Variants in LUZP2 observed in about 807,000 individuals in gnomAD.
LUZP2 encodes leucine zipper protein 2.
A neutral mutation model predicts 51.6 loss-of-function variants in LUZP2; 52 were observed. The ratio of observed to expected loss-of-function variants is 1.01; its 90% confidence interval spans 0.81 to 1.27. LUZP2 has a LOEUF of 1.27. Among genes scored for constraint, LUZP2 ranks in the 50% most tolerant of loss-of-function variants. The probability of loss-of-function intolerance (pLI) is 0.00; values close to 1 mark genes in which losing one functional copy is unlikely to be tolerated. For synonymous variants in LUZP2, 154 were observed against 137.3 expected (o/e 1.12, Z -0.85); for missense variants, 436 against 395.4 (o/e 1.10, Z -0.87).
chr11:24,708,341 C>T (rs1262124851), intron 1 of LUZP2, among the ~76,000 whole-genome samples: 1 of 152,110 alleles, frequency 6.6e-6, no homozygotes, highest in East Asian at 1.9e-4. Flanking sequence ...TTAGCCCAGT[C>T]AAATCAACAC....
At chr11:24,559,616 A>G (rs1851971859) in intron 1 of LUZP2, among the ~76,000 whole-genome samples, 1 of 152,212 alleles carries the variant, frequency 6.6e-6, no homozygotes, top group Non-Finnish European at 1.5e-5. Context: ...TGCTGTGATA[A>G]CCTAAAGTAC....
chr11:24,867,228 C>T lies in LUZP2; in HGVS notation c.397-38763C>T, dbSNP rs1268103016. The stretch of plus-strand genomic sequence containing the variant: ...CTTGCATTCTCATCTTACGGTAAGA[C>T]AAGACTCCAGAGTAGGATTTTAGGT... On this transcript the variant is annotated intron_variant, in intron 5 of 11. Transcript: ENST00000336930. Among the ~76,000 whole-genome samples, 9 of 152,170 alleles carry T rather than the reference C, an allele frequency of 5.9e-5. No individual in the cohort carries two copies. In the East Asian group the frequency reaches 1.7e-3, roughly 29 times the overall value.
intron 4 of LUZP2, among the ~76,000 whole-genome samples, chr11:24,758,464 G>T (rs1013227092): frequency 6.6e-6 from 1 of 151,868 alleles, no homozygotes; most frequent in Non-Finnish European, 1.5e-5. Context: ...TTTTGGTAAA[G>T]ATTCAAATAA....
Position 24,612,450 on chromosome 11 carries a change from C to T in LUZP2, c.62+115145C>T, listed in dbSNP as rs553624252. 9.5e-4 allele frequency among the ~76,000 whole-genome samples: 145 copies of T among 152,126 alleles called. 1 individual carries two copies. The highest frequency in any genetic ancestry group is 5.4e-4 in the Non-Finnish European group (37 of 67,944). On this transcript the variant is annotated intron_variant, in intron 1 of 11. Coordinates refer to ENST00000336930, the MANE Select transcript of LUZP2 (RefSeq NM_001009909.4). ...CTCTTTGGAATGAAGACTCATTTTG[C>T]CATGATATGCTCCCATTAAATGTGA...
chr11:24,624,824 GTAT>G (rs1474927527), intron 1 of LUZP2, among the ~76,000 whole-genome samples: 2 of 152,088 alleles, frequency 1.3e-5, no homozygotes, highest in African/African-American at 2.4e-5. Flanking sequence ...AAAAAGGGTA[GTAT>G]TATTATAATT....
At chr11:24,551,785 A>T (rs887941777) in intron 1 of LUZP2, among the ~76,000 whole-genome samples, 7 of 152,080 alleles carry the variant, frequency 4.6e-5, no homozygotes, top group Non-Finnish European at 1.0e-4. Flanking sequence ...GCTATTTTTT[A>T]AAATTGCTAA....
At chr11:24,878,613 A>G (rs989426222) in intron 5 of LUZP2, among the ~76,000 whole-genome samples, 2 of 151,812 alleles carry the variant, frequency 1.3e-5, no homozygotes, top group African/African-American at 4.8e-5. Flanking sequence ...GTTTTCTGTT[A>G]TTATCCCTTT....
Position 24,611,324 on chromosome 11 carries a change from A to G in LUZP2, c.62+114019A>G, listed in dbSNP as rs1476218660. Among the ~76,000 whole-genome samples, 1 of 152,184 alleles carries G rather than the reference A, an allele frequency of 6.6e-6. No individual in the cohort carries two copies. Among genetic ancestry groups the G allele is most frequent in the African/African-American group, 2.4e-5 (1 of 41,446 alleles). ...GCTTCTACAGTCCATTATTCAAAAG[A>G]ATGTATATATCTAATTCATTTGATC... On this transcript the variant is annotated intron_variant, in intron 1 of 11. Transcript: ENST00000336930. The surrounding 1 kb of genome is among the most constrained non-coding windows in gnomAD (Gnocchi z 4.6).
At chr11:25,056,827 G>A (rs949874824) in intron 10 of LUZP2, among the ~76,000 whole-genome samples, 5 of 152,034 alleles carry the variant, frequency 3.3e-5, no homozygotes, top group Non-Finnish European at 7.4e-5. Context: ...ATTGCCGGGC[G>A]CCGTGGCTCA....
intron 1 of LUZP2, among the ~76,000 whole-genome samples, chr11:24,724,401 C>A (rs1451726596): frequency 2.0e-5 from 3 of 151,964 alleles, no homozygotes; most frequent in Admixed American, 6.6e-5. Context: ...AAAACCCTCT[C>A]TCTACTAAGA....
rs570912704 is a variant in LUZP2 at position 24,580,376 on chromosome 11, G to T, written c.62+83071G>T. Among the ~76,000 whole-genome samples, 6 of 152,118 alleles carry T rather than the reference G, an allele frequency of 3.9e-5. No individual in the cohort carries two copies. The East Asian group carries it at 5.8e-4, about 15-fold the overall frequency. The stretch of plus-strand genomic sequence containing the variant: ...ATCAGTTGCCTACAATACTGAAAAG[G>T]TTCCTTTTCCTTCTCTGTTGCTGTC... On this transcript the variant is annotated intron_variant, in intron 1 of 11. Transcript: ENST00000336930.
chr11:24,793,012 C>T (rs1849448703), intron 5 of LUZP2, among the ~76,000 whole-genome samples: 1 of 152,174 alleles, frequency 6.6e-6, no homozygotes, highest in Non-Finnish European at 1.5e-5. Context: ...TTTGCCATAA[C>T]TGGTGAATTT....
chr11:24,659,301 C>T (rs913256553), intron 1 of LUZP2, among the ~76,000 whole-genome samples: 1 of 152,128 alleles, frequency 6.6e-6, no homozygotes, highest in Non-Finnish European at 1.5e-5. Flanking sequence ...AACCATCATT[C>T]TCAGAAAACT....
chr11:24,878,117 TGG>T (rs372357259), intron 5 of LUZP2, among the ~76,000 whole-genome samples: 837 of 95,988 alleles, frequency 8.7e-3, no homozygotes, highest in East Asian at 0.015. Context: ...TTTTTTTTTT[TGG>T]TGAACTTACA....
Position 25,002,702 on chromosome 11 carries a change from C to T in LUZP2, c.765+19409C>T, listed in dbSNP as rs183173125. On this transcript the variant is annotated intron_variant, in intron 9 of 11. Transcript: ENST00000336930. ...TGTCACTGGTTGTGGGGTTGTCCCA[C>T]GAGTATGAGTAAGGACTCCAAGAGC... is the stretch of plus-strand genomic sequence containing the variant. Among the ~76,000 whole-genome samples, 8 of 152,252 alleles carry T rather than the reference C, an allele frequency of 5.3e-5. No homozygotes were observed. The East Asian group carries it at 5.8e-4, about 11-fold the overall frequency.
chr11:24,754,438 G>T (rs1258757961), intron 4 of LUZP2, among the ~76,000 whole-genome samples: 1 of 152,142 alleles, frequency 6.6e-6, no homozygotes, highest in African/African-American at 2.4e-5. Flanking sequence ...AGTGACCCAT[G>T]AGGAGAAGTT....
intron 5 of LUZP2, among the ~76,000 whole-genome samples, chr11:24,797,372 T>A (rs59623628): frequency 0.019 from 2,931 of 152,262 alleles, 95 homozygotes; most frequent in African/African-American, 0.067. Flanking sequence ...AATAACCTTT[T>A]CTTGAATACC....
chr11:24,774,332 T>TTCTCTCTC (rs374302170), intron 5 of LUZP2, among the ~76,000 whole-genome samples: 2,210 of 41,804 alleles, frequency 0.053, 114 homozygotes, highest in African/African-American at 0.066. Context: ...CTTAGTAAAC[T>TTCTCTCTC]TCTCTCTCTC....
Position 24,919,398 on chromosome 11 carries a change from T to C in LUZP2, c.522+4860T>C, listed in dbSNP as rs1475284752. Among the ~76,000 whole-genome samples, 14 of 68,448 alleles carry C rather than the reference T, an allele frequency of 2.0e-4. 1 individual carries two copies. Among genetic ancestry groups the C allele is most frequent in the Non-Finnish European group, 2.7e-4 (11 of 40,148 alleles). The allele number at this position is 68,448 out of a possible 152,430, so 44.9% of individuals were successfully genotyped here. ...TATGACATATATTGATAATATATGTTATATATTATATATGACATATATTGA... is the reference window on the plus strand; with the variant it reads ...TATGACATATATTGATAATATATGTCATATATTATATATGACATATATTGA... On this transcript the variant is annotated intron_variant, in intron 7 of 11. Coordinates refer to ENST00000336930, the MANE Select transcript of LUZP2 (RefSeq NM_001009909.4).
Sources: gnomAD v4.1 joint callset for allele counts (sites outside exome capture counted in the v4.1 genomes callset) on GRCh38, gnomAD v4.1.1 for gene constraint, Gnocchi (gnomAD v3.1) non-coding constraint, MANE v1.5 for transcripts, NCBI Gene and HGNC (gene_info 2026-07-23, HGNC 2026-07-21) for gene names.